Variants in PWWP4 observed in about 807,000 individuals in gnomAD.
The protein encoded by PWWP4 is PWWP domain containing 4, also known as putative PWWP domain-containing DNA repair factor 4.
upstream of PWWP4, among the ~76,000 whole-genome samples, chrX:153,269,134 T>C (rs1290170407): frequency 3.9e-5 from 2 of 51,907 alleles, no homozygotes; most frequent in Non-Finnish European, 6.9e-5. Flanking sequence ...GCCAGGCTCC[T>C]TGAGTTTCCA....
At chrX:153,276,491 C>T (rs1245976974) in exon 1 of PWWP4, among the ~76,000 whole-genome samples, 1 of 61,081 alleles carries the variant, frequency 1.6e-5, no homozygotes, top group Non-Finnish European at 3.4e-5. Context: ...GAGGAGGGTG[C>T]ATCTCTGCCT....
At position 153,273,659 on chromosome X, in the gene PWWP4, G is replaced by GATCT. The variant is rs2051818838; in HGVS notation, c.2042_2043insATCT (p.Ser681ArgfsTer13). ...GGTGAAAAGTCACGGGCGCACACCA[G>GATCT]CCTTGCCCCCGCCCCAGGTGCTTTG... On this transcript the variant is annotated frameshift_variant, in exon 1 of 1. Coordinates refer to ENST00000458091, the Ensembl canonical transcript of PWWP4. LOFTEE classifies it high-confidence loss of function. Among the ~76,000 whole-genome samples the GATCT allele has an allele frequency of 5.5e-5, 1 of 18,238 alleles. No homozygotes were observed. The highest frequency in any genetic ancestry group is 8.6e-5 in the Non-Finnish European group (1 of 11,613). The allele number at this position is 18,238 out of a possible 115,157, so 15.8% of individuals were successfully genotyped here. A position where few individuals can be genotyped will look rare whatever the true frequency, so the allele number is the denominator to read the frequency against.
Position 153,272,787 on chromosome X carries a change from A to C in PWWP4, c.1170A>C (p.Ala390=), listed in dbSNP as rs1237204139. Among the ~76,000 whole-genome samples, 26 of 105,583 alleles carry C rather than the reference A, an allele frequency of 2.5e-4. No homozygotes were observed. The East Asian group carries it at 7.2e-3, about 29-fold the overall frequency. The allele number at this position is 105,583 out of a possible 115,157, so 91.7% of individuals were successfully genotyped here. A position where few individuals can be genotyped will look rare whatever the true frequency, so the allele number is the denominator to read the frequency against. ...CCCTTGGCAGGGACAGGTCACGGGC[A>C]CGCAGCGCCATTGCTTCTACTCCAG... Residue 390 remains alanine (A), a synonymous_variant, in exon 1 of 1, where the codon GCA becomes GCC. Transcript: ENST00000458091.
chrX:153,276,404 C>T (rs1489409273), exon 1 of PWWP4, among the ~76,000 whole-genome samples: 44 of 82,942 alleles, frequency 5.3e-4, no homozygotes, highest in African/African-American at 1.8e-3. Context: ...CTGACGCTTT[C>T]GCGGCATGTT....
exon 1 of PWWP4, among the ~76,000 whole-genome samples, chrX:153,272,308 G>C (rs2051809565): frequency 8.8e-6 from 1 of 113,733 alleles, no homozygotes; most frequent in African/African-American, 3.2e-5. Flanking sequence ...GGCGCACAGG[G>C]CCATTGCCCC....
chrX:153,266,725 G>C (rs1202806626), upstream of PWWP4, among the ~76,000 whole-genome samples: 1 of 79,484 alleles, frequency 1.3e-5, no homozygotes, highest in African/African-American at 5.2e-5. Flanking sequence ...CTTCAGGATG[G>C]AAATTTGCTC....
chrX:153,270,176 T>TTCTCTC (rs1184739253), upstream of PWWP4, among the ~76,000 whole-genome samples: 39 of 102,559 alleles, frequency 3.8e-4, no homozygotes, highest in African/African-American at 1.3e-3. Flanking sequence ...CACATTTCAT[T>TTCTCTC]TCTCTCTCTC....
At chrX:153,266,533 A>G in the PWWP4 span, among the ~76,000 whole-genome samples, 1 of 105,447 alleles carries the variant, frequency 9.5e-6, no homozygotes, top group Non-Finnish European at 1.9e-5. Flanking sequence ...GTGTGTATGG[A>G]TGTGTGTGTG....
exon 1 of PWWP4, among the ~76,000 whole-genome samples, chrX:153,273,217 A>G (rs1431051670): frequency 7.3e-5 from 5 of 68,755 alleles, no homozygotes; most frequent in Non-Finnish European, 1.1e-4. Flanking sequence ...CAGGTCATGG[A>G]CGCGCAGGGC....
At chrX:153,270,474 G>C (rs1478509612), upstream of PWWP4, among the ~76,000 whole-genome samples, 2 of 73,653 alleles carry the variant, frequency 2.7e-5, no homozygotes, top group Non-Finnish European at 5.0e-5. Context: ...TTGGGGAGGG[G>C]AACAGGATAA....
At chrX:153,266,503 ATG>A in the PWWP4 span, among the ~76,000 whole-genome samples, 4 of 94,931 alleles carry the variant, frequency 4.2e-5, no homozygotes, top group African/African-American at 1.2e-4. Flanking sequence ...GTGTGTGAGG[ATG>A]TGTGTGTGTT....
upstream of PWWP4, among the ~76,000 whole-genome samples, chrX:153,269,206 G>C (rs1462726229): frequency 1.5e-4 from 7 of 47,129 alleles, 2 homozygotes; most frequent in African/African-American, 2.8e-4. Context: ...GAGAGAGAGA[G>C]AGAGAAAGAG....
At chrX:153,269,812 T>C (rs1456493766), upstream of PWWP4, among the ~76,000 whole-genome samples, 1 of 111,073 alleles carries the variant, frequency 9.0e-6, no homozygotes, top group Non-Finnish European at 1.9e-5. Flanking sequence ...ATGGGACATT[T>C]CATTAAATAA....
upstream of PWWP4, among the ~76,000 whole-genome samples, chrX:153,270,212 CAGAG>C (rs1322132253): frequency 1.4e-4 from 14 of 100,804 alleles, no homozygotes; most frequent in South Asian, 4.0e-4. Flanking sequence ...CACACACACA[CAGAG>C]AGAGAGAGAG....
At chrX:153,266,746 T>C (rs2051794127), upstream of PWWP4, among the ~76,000 whole-genome samples, 1 of 75,810 alleles carries the variant, frequency 1.3e-5, no homozygotes, top group Non-Finnish European at 2.4e-5. Context: ...GCCTCCTCAT[T>C]GTAAGAACGT....
chrX:153,272,680 T>C (rs1470844764), exon 1 of PWWP4, among the ~76,000 whole-genome samples: 1 of 109,480 alleles, frequency 9.1e-6, no homozygotes, highest in Non-Finnish European at 1.9e-5. Context: ...GTCATGGGTG[T>C]GCAGGGCCAT....
chrX:153,276,561 G>A (rs1394454756), exon 1 of PWWP4, among the ~76,000 whole-genome samples: 5 of 55,560 alleles, frequency 9.0e-5, no homozygotes, highest in East Asian at 5.0e-4. Context: ...ACAGCCGCCC[G>A]AAGAAGGCCC....
the PWWP4 span, among the ~76,000 whole-genome samples, chrX:153,266,519 G>A: frequency 9.3e-6 from 1 of 107,478 alleles, no homozygotes; most frequent in African/African-American, 3.5e-5. Flanking sequence ...GTGTGTTTGG[G>A]GGTGTGTGTA....
At chrX:153,271,452 G>A (rs2051806345), upstream of PWWP4, among the ~76,000 whole-genome samples, 1 of 108,827 alleles carries the variant, frequency 9.2e-6, no homozygotes, top group South Asian at 3.5e-4. Flanking sequence ...AAGTGCCTCA[G>A]GGAGATTCAG....
Sources: allele counts gnomAD v4.1 joint callset (sites outside exome capture counted in the v4.1 genomes callset), GRCh38; gene constraint gnomAD v4.1.1; transcripts MANE v1.5; gene names NCBI Gene and HGNC (gene_info 2026-07-23, HGNC 2026-07-21).